WDR5: variants seen among roughly 807,000 people sequenced by gnomAD.
WDR5 encodes WD repeat-containing protein 5.
For missense variants in WDR5, 187 were observed against 416.9 expected, an observed-to-expected ratio of 0.45 and a Z score of 4.80; for synonymous variants, 144 against 161.6, an observed-to-expected ratio of 0.89 and a Z score of 0.83.
Position 134,146,131 on chromosome 9 carries a change from A to AT in WDR5, c.529-2148dup, listed in dbSNP as rs1208135175. Among the ~76,000 whole-genome samples, 88 of 149,284 alleles carry AT rather than the reference A, an allele frequency of 5.9e-4. 1 individual carries two copies. Among genetic ancestry groups the AT allele is most frequent in the African/African-American group, 2.0e-3 (82 of 40,506 alleles). Reference sequence around the variant, plus strand: ...AGGCGCCCTCCACCATGCCCGGCTAATTTTTTTTTATATTTTTAGTAGAGA... The same window carrying AT: ...AGGCGCCCTCCACCATGCCCGGCTAATTTTTTTTTTATATTTTTAGTAGAGA... On this transcript the variant is annotated intron_variant, in intron 7 of 13. Transcript: ENST00000358625.
upstream of WDR5, chr9:134,135,289 G>A (rs533481030): frequency 2.0e-5 from 3 of 152,328 alleles, no homozygotes; most frequent in Admixed American, 2.0e-4. Context: ...CTCCTCTGGG[G>A]ACCACCCCCT....
chr9:134,141,612 G>A, intron 4 of WDR5, 29 bp downstream of exon 4: 1 of 1,612,350 alleles, frequency 6.2e-7, no homozygotes, highest in Non-Finnish European at 8.5e-7. Context: ...CGGTGAAGTT[G>A]ACTGTTGAAC....
chr9:134,152,177 G>T (rs958204517), intron 9 of WDR5, 148 bp downstream of exon 9: 9 of 952,972 alleles, frequency 9.4e-6, no homozygotes, highest in Middle Eastern at 2.9e-4. Context: ...CGACCGTTCC[G>T]CCAGCTCCCC....
intron 8 of WDR5, among the ~76,000 whole-genome samples, chr9:134,149,132 C>A (rs1832364664): frequency 6.6e-6 from 1 of 152,174 alleles, no homozygotes; most frequent in South Asian, 2.1e-4. Context: ...CAGTCTGACT[C>A]CCCAGTGACT....
At chr9:134,155,082 G>C (rs758947999) in intron 10 of WDR5, among the ~76,000 whole-genome samples, 1 of 152,168 alleles carries the variant, frequency 6.6e-6, no homozygotes, top group Non-Finnish European at 1.5e-5. Flanking sequence ...AGTCAGGGAC[G>C]ATAACACCCA....
In WDR5 at chr9:134,157,760, C is replaced by A; in HGVS notation, c.905-133C>A. 1.3e-6 allele frequency: 1 copy of A among 757,574 alleles called. No individual in the cohort carries two copies. The highest frequency in any genetic ancestry group is 2.2e-6 in the Non-Finnish European group (1 of 457,102). 46.9% of individuals were successfully genotyped at this position (757,574 alleles called of 1,614,324 possible). ...CTGTGTCGAAGGTGGGCAGTGGGTG[C>A]TTGTCCTGTGACCTCCCAGGTGGCG... On this transcript the variant is annotated intron_variant, in intron 13 of 13. Transcript: ENST00000358625. This position sits in a 1 kb window ranked among gnomAD's most constrained non-coding sequence, Gnocchi z 5.0.
chr9:134,148,231 T>C, intron 7 of WDR5, 57 bp from the exon 8 acceptor site: 1 of 1,053,334 alleles, frequency 9.5e-7, no homozygotes, highest in African/African-American at 1.7e-5. Flanking sequence ...TAAGAAGCAG[T>C]TGTGTCCCTG....
At chr9:134,135,704 C>T (rs1481816262), upstream of WDR5, 1 of 152,126 alleles carries the variant, frequency 6.6e-6, no homozygotes, top group Non-Finnish European at 1.5e-5. Flanking sequence ...GGCCTGGTCG[C>T]CCGGGGAGGT....
intron 7 of WDR5, among the ~76,000 whole-genome samples, chr9:134,143,520 C>T (rs982667127): frequency 1.3e-5 from 2 of 149,374 alleles, no homozygotes; most frequent in East Asian, 2.1e-4. Context: ...GTGACGAGAG[C>T]GAAACTCTGT....
intron 7 of WDR5, among the ~76,000 whole-genome samples, chr9:134,145,096 G>GTTTTTTTTTTTGTTT (rs1832110648): frequency 1.9e-5 from 2 of 104,664 alleles, no homozygotes; most frequent in African/African-American, 6.9e-5. Flanking sequence ...GTGGGGCTTT[G>GTTTTTTTTTTTGTTT]TTTTTTTTTT....
intron 7 of WDR5, among the ~76,000 whole-genome samples, chr9:134,143,581 C>G (rs1832012788): frequency 6.7e-6 from 1 of 148,562 alleles, no homozygotes; most frequent in Non-Finnish European, 1.5e-5. Flanking sequence ...GGCTGGAGTG[C>G]AGTGTTGCGA....
chr9:134,141,154 C>T (rs1831867534), intron 3 of WDR5, among the ~76,000 whole-genome samples: 1 of 152,130 alleles, frequency 6.6e-6, no homozygotes, highest in Admixed American at 6.5e-5. Flanking sequence ...GGCATGGTGG[C>T]ACATGCCTGT....
intron 7 of WDR5, among the ~76,000 whole-genome samples, chr9:134,147,160 C>T (rs1383510182): frequency 6.6e-6 from 1 of 152,238 alleles, no homozygotes; most frequent in African/African-American, 2.4e-5. Context: ...AGTAATTTCA[C>T]TTGTCTTTTA....
intron 5 of WDR5, 34 bp from the exon 6 acceptor site, chr9:134,142,299 G>A (rs1246029390): frequency 1.9e-6 from 3 of 1,596,616 alleles, no homozygotes; most frequent in African/African-American, 1.3e-5. Flanking sequence ...GGGGAAATAA[G>A]CACTGGAATA....
intron 6 of WDR5, 57 bp from the exon 7 acceptor site, chr9:134,142,578 TG>T: frequency 8.8e-6 from 14 of 1,595,222 alleles, no homozygotes; most frequent in Non-Finnish European, 1.1e-5. Context: ...TCTTAGGTTC[TG>T]GGGAGGTTTG....
chr9:134,148,891 C>T lies in WDR5; in HGVS notation c.584+548C>T, dbSNP rs536867867. On this transcript the variant is annotated intron_variant, in intron 8 of 13. Coordinates refer to ENST00000358625, the MANE Select transcript of WDR5 (RefSeq NM_017588.3). Reference sequence around the variant, plus strand: ...TGTGTCCAGCACTCCTCAGGAGACACAAGGGAAGTGGAGAAGTAGAGGTTA... The same window carrying T: ...TGTGTCCAGCACTCCTCAGGAGACATAAGGGAAGTGGAGAAGTAGAGGTTA... 2.0e-5 allele frequency among the ~76,000 whole-genome samples: 3 copies of T among 152,164 alleles called. No homozygotes were observed. The East Asian group carries it at 5.8e-4, about 29-fold the overall frequency.
intron 7 of WDR5, 123 bp downstream of exon 7, chr9:134,142,842 T>C: frequency 2.1e-6 from 2 of 966,522 alleles, no homozygotes; most frequent in Non-Finnish European, 3.2e-6. Flanking sequence ...TGATTCCTGC[T>C]GTCATGCCAC....
chr9:134,153,766 G>A (rs1022644098), intron 9 of WDR5, among the ~76,000 whole-genome samples: 6 of 152,060 alleles, frequency 3.9e-5, no homozygotes, highest in Non-Finnish European at 8.8e-5. Context: ...TCTCTGGTGG[G>A]GCCCAGGGGT....
At chr9:134,155,196 A>C in intron 10 of WDR5, 144 bp from the exon 11 acceptor site, 1 of 948,350 alleles carries the variant, frequency 1.1e-6, no homozygotes, top group East Asian at 2.9e-5. Context: ...GGGGCTCCTT[A>C]CCCTGATGGG....
Sources: allele counts gnomAD v4.1 joint callset (sites outside exome capture counted in the v4.1 genomes callset), GRCh38; gene constraint gnomAD v4.1.1; non-coding constraint Gnocchi (gnomAD v3.1); transcripts MANE v1.5; gene names NCBI Gene and HGNC (gene_info 2026-07-23, HGNC 2026-07-21).